The following RXRA variants were observed in gnomAD, a reference collection of about 807,000 sequenced individuals.
RXRA encodes retinoid X receptor alpha.
In RXRA, 5 loss-of-function variants were observed where a neutral mutation model predicts 44.5. That is an observed-to-expected ratio of 0.11 (90% CI 0.06 to 0.24). The LOEUF (loss-of-function observed/expected upper bound fraction) is 0.24. Ranked by LOEUF, RXRA falls within the 10% of genes least tolerant of loss-of-function variation. The probability of loss-of-function intolerance (pLI) is 1.00; values close to 1 mark genes in which losing one functional copy is unlikely to be tolerated. For missense variants in RXRA, 412 were observed against 646.5 expected, an observed-to-expected ratio of 0.64 and a Z score of 3.93; for synonymous variants, 291 against 271.4, an observed-to-expected ratio of 1.07 and a Z score of -0.71.
At chr9:134,398,654 A>G (rs1039878414) in intron 1 of RXRA, among the ~76,000 whole-genome samples, 1 of 152,172 alleles carries the variant, frequency 6.6e-6, no homozygotes, top group Non-Finnish European at 1.5e-5. Context: ...CCTCCAACTC[A>G]GTGTCCCCCT....
rs1171957169 is a variant in RXRA, at chr9:134,365,932, T to C, written c.29-35700T>C. Among the ~76,000 whole-genome samples, 2 of 152,010 alleles carry C rather than the reference T, an allele frequency of 1.3e-5. No individual in the cohort carries two copies. The highest frequency in any genetic ancestry group is 2.9e-5 in the Non-Finnish European group (2 of 67,972). ...AGGTGCACACAGACGCTCAGCACAG[T>C]TGTGGCTGCCTCCAGTCAGGCGTCC... On this transcript the variant is annotated intron_variant, in intron 1 of 9. Coordinates refer to ENST00000481739, the MANE Select transcript of RXRA (RefSeq NM_002957.6). This position sits in a 1 kb window ranked among gnomAD's most constrained non-coding sequence, Gnocchi z 4.0.
At chr9:134,334,541 G>A (rs1225548039) in intron 1 of RXRA, among the ~76,000 whole-genome samples, 1 of 152,382 alleles carries the variant, frequency 6.6e-6, no homozygotes, top group Non-Finnish European at 1.5e-5. Flanking sequence ...CGGTGGCAGT[G>A]TGTGCTGAGC....
rs545280315 is a variant in RXRA at position 134,429,105 on chromosome 9, C to T, written c.911-3C>T. 12 of 1,612,946 alleles carry T rather than the reference C, an allele frequency of 7.4e-6. No homozygotes were observed. In the South Asian group the frequency reaches 1.2e-4, roughly 16 times the overall value. ...GCTGAGTGACTGTGTGCCTCCTCCC[C>T]AGGCTGGAATGAGCTGCTCATCGCC... On this transcript the variant is annotated splice_region_variant and splice_polypyrimidine_tract_variant and intron_variant, in intron 6 of 9. Coordinates refer to ENST00000481739, the MANE Select transcript of RXRA (RefSeq NM_002957.6).
rs147960738 is a variant in RXRA at position 134,365,396 on chromosome 9, G to C, written c.29-36236G>C. On this transcript the variant is annotated intron_variant, in intron 1 of 9. Transcript: ENST00000481739. The surrounding 1 kb of genome is among the most constrained non-coding windows in gnomAD (Gnocchi z 4.0). ...AGCGGGGTCCACGTTGCCTGGCCCAGGTGGGATTTGGCGGGTAACGCTCGT... is the reference window on the plus strand; with the variant it reads ...AGCGGGGTCCACGTTGCCTGGCCCACGTGGGATTTGGCGGGTAACGCTCGT... Among the ~76,000 whole-genome samples, 188 of 152,336 alleles carry C rather than the reference G, an allele frequency of 1.2e-3. 1 individual carries two copies. Among genetic ancestry groups the C allele is most frequent in the African/African-American group, 4.2e-3 (175 of 41,572 alleles).
At chr9:134,351,710 C>T (rs1305831001) in intron 1 of RXRA, among the ~76,000 whole-genome samples, 3 of 152,260 alleles carry the variant, frequency 2.0e-5, no homozygotes, top group Non-Finnish European at 4.4e-5. Context: ...CGTTCTGCGG[C>T]CCTCTTTAAT....
At chr9:134,336,335 C>T (rs922216313) in intron 1 of RXRA, among the ~76,000 whole-genome samples, 5 of 152,224 alleles carry the variant, frequency 3.3e-5, no homozygotes, top group Admixed American at 6.5e-5. Context: ...GGGGGCGTCA[C>T]CCCTTAGCGG....
At chr9:134,389,899 G>A (rs958835457) in intron 1 of RXRA, among the ~76,000 whole-genome samples, 1 of 152,186 alleles carries the variant, frequency 6.6e-6, no homozygotes, top group Non-Finnish European at 1.5e-5. Context: ...GGTTCTTGGG[G>A]CTGGGCACCG....
At chr9:134,402,024 T>C in intron 2 of RXRA, 142 bp downstream of exon 2, 1 of 725,164 alleles carries the variant, frequency 1.4e-6, no homozygotes, top group Non-Finnish European at 2.2e-6. Context: ...ATACAGAGCC[T>C]CGGGGAGCAG....
intron 6 of RXRA, chr9:134,424,035 GTCCCA>G: frequency 3.0e-6 from 3 of 985,422 alleles, no homozygotes; most frequent in Non-Finnish European, 3.6e-6. Flanking sequence ...TGGCCCTGTG[GTCCCA>G]TGTTCTGGCA....
chr9:134,379,533 G>T (rs1434681086), intron 1 of RXRA: 3 of 985,904 alleles, frequency 3.0e-6, no homozygotes, highest in Non-Finnish European at 3.6e-6. Context: ...CAGTGGCCGT[G>T]GCCCAGGGTC....
chr9:134,431,853 G>T, intron 7 of RXRA, 52 bp from the exon 8 acceptor site: 1 of 1,426,836 alleles, frequency 7.0e-7, no homozygotes, highest in Non-Finnish European at 9.9e-7. Context: ...GTGTGGCCCT[G>T]GTGAGGGCTG....
At chr9:134,328,647 A>AAGCGGCTT (rs1465446805) in intron 1 of RXRA, among the ~76,000 whole-genome samples, 2 of 152,120 alleles carry the variant, frequency 1.3e-5, no homozygotes, top group South Asian at 4.1e-4. Flanking sequence ...AGGTCCATTT[A>AAGCGGCTT]AGCGGCTACT....
intron 1 of RXRA, among the ~76,000 whole-genome samples, chr9:134,327,319 C>G (rs570214133): frequency 6.6e-6 from 1 of 152,272 alleles, no homozygotes; most frequent in African/African-American, 2.4e-5. Context: ...CATTTGTGAG[C>G]AGGACAGCGC....
chr9:134,381,653 A>T (rs972156132), intron 1 of RXRA, among the ~76,000 whole-genome samples: 3 of 151,888 alleles, frequency 2.0e-5, no homozygotes, highest in Non-Finnish European at 2.9e-5. Flanking sequence ...GCTGGCCTTG[A>T]GGGATCTGGC....
intron 6 of RXRA, among the ~76,000 whole-genome samples, chr9:134,427,344 C>T (rs367635918): frequency 5.4e-4 from 82 of 152,250 alleles, no homozygotes; most frequent in Middle Eastern, 6.8e-3. Context: ...CCCATCGCAA[C>T]GGGCTGCCTG....
At chr9:134,401,999 C>A in intron 2 of RXRA, 117 bp downstream of exon 2, 1 of 869,700 alleles carries the variant, frequency 1.1e-6, no homozygotes, top group South Asian at 1.8e-5. Context: ...GTGGTCTCCC[C>A]GCTTGACGCA....
chr9:134,432,753 C>A (rs571497949), intron 8 of RXRA, among the ~76,000 whole-genome samples: 2 of 152,106 alleles, frequency 1.3e-5, no homozygotes, highest in East Asian at 3.9e-4. Context: ...CACGGTTGGT[C>A]GAGGGTGCGG....
chr9:134,428,075 G>A (rs1212467950), intron 6 of RXRA, among the ~76,000 whole-genome samples: 1 of 152,166 alleles, frequency 6.6e-6, no homozygotes, highest in African/African-American at 2.4e-5. Flanking sequence ...GTGTGCACGC[G>A]AGGGTCCCTG....
rs896366146 is a variant in RXRA at position 134,437,940 on chromosome 9, C to G, written c.*1326C>G. On this transcript the variant is annotated 3_prime_UTR_variant, in exon 10 of 10. Transcript: ENST00000481739. ...GGTTGAAGGTGGGGTGGGGGCGGGG[C>G]TTGGGGCCTCCCTGGCTCAGCCCAG... The G allele has an allele frequency of 1.3e-5, 2 of 152,048 alleles. No homozygotes were observed. The highest frequency in any genetic ancestry group is 2.4e-5 in the African/African-American group (1 of 41,416). 9.4% of individuals were successfully genotyped at this position (152,048 alleles called of 1,614,324 possible). A position where few individuals can be genotyped will look rare whatever the true frequency, so the allele number is the denominator to read the frequency against.
Sources: gnomAD v4.1 joint callset for allele counts (sites outside exome capture counted in the v4.1 genomes callset) on GRCh38, gnomAD v4.1.1 for gene constraint, Gnocchi (gnomAD v3.1) non-coding constraint, MANE v1.5 for transcripts, NCBI Gene and HGNC (gene_info 2026-07-23, HGNC 2026-07-21) for gene names.